Variants in IMMP2L observed in about 807,000 individuals in gnomAD.
The protein encoded by IMMP2L is mitochondrial inner membrane protease subunit 2.
Under a neutral mutation model 19.3 loss-of-function variants are expected in IMMP2L, and 18 were observed. The ratio of observed to expected loss-of-function variants is 0.93; its 90% CI spans 0.64 to 1.38. The LOEUF is 1.38. IMMP2L is among the 40% of genes most tolerant of loss of function. The pLI is 0.00. For synonymous variants in IMMP2L, 76 were observed against 73.0 expected (o/e 1.04, Z -0.21); for missense variants, 233 against 218.2 (o/e 1.07, Z -0.43).
At chr7:110,685,759 A>G (rs946379987) in intron 5 of IMMP2L, among the ~76,000 whole-genome samples, 4 of 151,936 alleles carry the variant, frequency 2.6e-5, no homozygotes, top group African/African-American at 9.7e-5. Context: ...GAGCTTTTCT[A>G]TATACTAAGA....
chr7:111,475,025 G>A (rs2132141934), intron 3 of IMMP2L, among the ~76,000 whole-genome samples: 1 of 152,136 alleles, frequency 6.6e-6, no homozygotes, highest in East Asian at 1.9e-4. Flanking sequence ...TAAAAGTACA[G>A]AAAGCCATAT....
At chr7:110,826,089 C>G (rs572222503) in intron 5 of IMMP2L, among the ~76,000 whole-genome samples, 1 of 152,198 alleles carries the variant, frequency 6.6e-6, no homozygotes, top group Non-Finnish European at 1.5e-5. Flanking sequence ...TGAAAAAATG[C>G]TCATCATCAC....
At chr7:110,895,265 G>A (rs1312092302) in intron 4 of IMMP2L, among the ~76,000 whole-genome samples, 1 of 152,104 alleles carries the variant, frequency 6.6e-6, no homozygotes, top group Non-Finnish European at 1.5e-5. Flanking sequence ...ACTTTCCACT[G>A]GGTTCCTCCC....
chr7:111,419,542 G>A (rs931133751), intron 3 of IMMP2L, among the ~76,000 whole-genome samples: 1 of 151,724 alleles, frequency 6.6e-6, no homozygotes, highest in Non-Finnish European at 1.5e-5. Context: ...AGGCTAATCA[G>A]AAACTCAAAA....
intron 5 of IMMP2L, among the ~76,000 whole-genome samples, chr7:110,679,484 T>C (rs6956636): frequency 0.073 from 11,139 of 152,044 alleles, 766 homozygotes; most frequent in African/African-American, 0.18. Context: ...TATATATACA[T>C]GAGTGGAGAG....
intron 5 of IMMP2L, among the ~76,000 whole-genome samples, chr7:110,666,098 A>C (rs1166860849): frequency 6.6e-6 from 1 of 151,978 alleles, no homozygotes; most frequent in African/African-American, 2.4e-5. Context: ...TTGATGCTCA[A>C]ATGTCTTAAG....
At chr7:111,162,236 T>C (rs1805346263) in intron 3 of IMMP2L, among the ~76,000 whole-genome samples, 1 of 152,136 alleles carries the variant, frequency 6.6e-6, no homozygotes, top group African/African-American at 2.4e-5. Flanking sequence ...CATGTATGTA[T>C]TTCCAATGAG....
At chr7:110,692,017 C>T (rs1473239887) in intron 5 of IMMP2L, among the ~76,000 whole-genome samples, 1 of 152,042 alleles carries the variant, frequency 6.6e-6, no homozygotes, top group East Asian at 1.9e-4. Flanking sequence ...AAATGTTTAC[C>T]ACAACACAAT....
intron 3 of IMMP2L, among the ~76,000 whole-genome samples, chr7:111,385,477 A>G (rs6955272): frequency 0.11 from 16,630 of 152,172 alleles, 1,476 homozygotes; most frequent in African/African-American, 0.24. Flanking sequence ...AAGTGAGTCC[A>G]CAACCACACA....
intron 3 of IMMP2L, among the ~76,000 whole-genome samples, chr7:111,374,851 T>C (rs75417450): frequency 0.011 from 1,612 of 152,256 alleles, 31 homozygotes; most frequent in African/African-American, 0.036. Context: ...ATCACATTGC[T>C]GAGGGAAAGT....
At chr7:110,790,550 T>C (rs1252455869) in intron 5 of IMMP2L, among the ~76,000 whole-genome samples, 1 of 151,694 alleles carries the variant, frequency 6.6e-6, no homozygotes, top group African/African-American at 2.4e-5. Flanking sequence ...AGATACAGGA[T>C]GTATCTACTT....
intron 4 of IMMP2L, among the ~76,000 whole-genome samples, chr7:110,890,254 T>C (rs113037084): frequency 1.3e-5 from 2 of 152,160 alleles, no homozygotes; most frequent in South Asian, 2.1e-4. Flanking sequence ...TATTCAAATA[T>C]GCAGAGAGTA....
intron 5 of IMMP2L, among the ~76,000 whole-genome samples, chr7:110,748,282 T>C (rs1420182026): frequency 1.3e-5 from 2 of 152,192 alleles, no homozygotes; most frequent in Non-Finnish European, 2.9e-5. Flanking sequence ...TCCATGCTCA[T>C]GGATAGGAAG....
intron 3 of IMMP2L, among the ~76,000 whole-genome samples, chr7:111,181,769 C>T (rs766071920): frequency 7.9e-5 from 12 of 152,034 alleles, no homozygotes; most frequent in East Asian, 7.8e-4. Flanking sequence ...CTATTTTCAA[C>T]GGCATGATAA....
rs556647882 is a variant in IMMP2L, at chr7:110,972,888, A to C, written c.240-9323T>G. ...CTACTCATTTAACAGGCACCTCAGA[A>C]TGAGGGAAAGTTTGGTTATCATGCT... On this transcript the variant is annotated intron_variant, in intron 3 of 5. Coordinates refer to ENST00000405709, the MANE Select transcript of IMMP2L (RefSeq NM_032549.4). 3.3e-5 allele frequency among the ~76,000 whole-genome samples: 5 copies of C among 152,228 alleles called. No individual in the cohort carries two copies. The East Asian group carries it at 9.7e-4, about 30-fold the overall frequency.
chr7:111,555,636 G>A (rs148212352), intron 1 of IMMP2L, among the ~76,000 whole-genome samples: 1 of 151,962 alleles, frequency 6.6e-6, no homozygotes, highest in Non-Finnish European at 1.5e-5. Flanking sequence ...CCACATGTGA[G>A]ATAATACAAT....
intron 3 of IMMP2L, among the ~76,000 whole-genome samples, chr7:111,135,229 T>C (rs1355187789): frequency 6.6e-6 from 1 of 152,136 alleles, no homozygotes; most frequent in Non-Finnish European, 1.5e-5. Flanking sequence ...AAATCAAATA[T>C]GAGGATATTA....
intron 3 of IMMP2L, among the ~76,000 whole-genome samples, chr7:111,155,744 CTT>C (rs1346736022): frequency 1.3e-5 from 2 of 151,808 alleles, no homozygotes; most frequent in Non-Finnish European, 2.9e-5. Context: ...CTTTTAAAAA[CTT>C]TTCATTGTTG....
At chr7:111,198,809 A>C (rs1436570886) in intron 3 of IMMP2L, among the ~76,000 whole-genome samples, 1 of 152,184 alleles carries the variant, frequency 6.6e-6, no homozygotes, top group African/African-American at 2.4e-5. Context: ...TAGAGTTATA[A>C]TGCCCTTGTC....
Sources: gnomAD v4.1 joint callset for allele counts (sites outside exome capture counted in the v4.1 genomes callset) on GRCh38, gnomAD v4.1.1 for gene constraint, MANE v1.5 for transcripts, NCBI Gene and HGNC (gene_info 2026-07-23, HGNC 2026-07-21) for gene names.